Variants in CDH23 observed in about 807,000 individuals in gnomAD.
CDH23 encodes the protein cadherin related 23, also known as cadherin-23.
In CDH23, 189 loss-of-function variants were observed where a neutral mutation model predicts 317.1. The ratio of observed to expected loss-of-function variants is 0.60; its 90% CI spans 0.53 to 0.67. CDH23 has a LOEUF of 0.67. Among genes scored for constraint, CDH23 ranks in the 30% least tolerant of loss-of-function variants. The probability of loss-of-function intolerance (pLI) is 0.00; values close to 1 mark genes in which losing one functional copy is unlikely to be tolerated. For missense variants in CDH23, 4,401 were observed against 4,592.4 expected (o/e 0.96, Z 1.20); for synonymous variants, 1,839 against 1,876.8 (o/e 0.98, Z 0.52).
chr10:71,730,395 C>T, intron 30 of CDH23, 74 bp from the exon 31 acceptor site: 1 of 1,559,336 alleles, frequency 6.4e-7, no homozygotes, highest in African/African-American at 1.4e-5. Flanking sequence ...ACAAGGCGGC[C>T]ACAGTGGGCC....
rs757652543 is a variant in CDH23 at position 71,617,386 on chromosome 10, A to C, written c.1127A>C (p.Lys376Thr). ...CCACTCTTCATCCAGGTGGTGGACA[A>C]GGATGAGGTGAGTCCCTGGACACAT... ...ALPLFIQVVD[K>T]DENLGLNSMF... Residue 376 changes from lysine to threonine, a missense_variant, in exon 11 of 70, where the codon AAG becomes ACG. Around this residue, in one of 3 missense-constraint regions of CDH23, gnomAD observed 3,068 missense variants for 3,203.3 expected, o/e 0.96. Transcript: ENST00000224721. 1.2e-6 allele frequency: 2 copies of C among 1,613,514 alleles called. No homozygotes were observed. The highest frequency in any genetic ancestry group is 1.7e-6 in the Non-Finnish European group (2 of 1,179,868).
chr10:71,810,093 C>CCCGGGG lies in CDH23; in HGVS notation c.8979+25_8979+30dup. On this transcript the variant is annotated intron_variant, in intron 61 of 69. Coordinates refer to ENST00000224721, the MANE Select transcript of CDH23 (RefSeq NM_022124.6). Reference sequence around the variant, plus strand: ...AATGTGCAGGTGCCTCATGGGCCCACCCGGGGCCGGGGCAGTGGAGGGAGA... The same window carrying CCCGGGG: ...AATGTGCAGGTGCCTCATGGGCCCACCCGGGGCCGGGGCCGGGGCAGTGGAGGGAGA... The CCCGGGG allele has an allele frequency of 1.2e-6, 2 of 1,608,832 alleles. No individual in the cohort carries two copies. Among genetic ancestry groups the CCCGGGG allele is most frequent in the Non-Finnish European group, 1.7e-6 (2 of 1,176,996 alleles).
chr10:71,479,120 T>TTGCAGTGAGCCGAGATTGCGCCACTG, intron 3 of CDH23, among the ~76,000 whole-genome samples: 1 of 151,970 alleles, frequency 6.6e-6, no homozygotes, highest in African/African-American at 2.4e-5. Flanking sequence ...AAGATGAGGC[T>TTGCAGTGAGCCGAGATTGCGCCACTG]CAGAGAGGTT....
intron 3 of CDH23, among the ~76,000 whole-genome samples, chr10:71,460,927 C>G (rs16928888): frequency 3.3e-5 from 5 of 152,178 alleles, no homozygotes; most frequent in Non-Finnish European, 7.4e-5. Context: ...GTCTCCCCGA[C>G]GAGTAGCCCA....
rs770139018 is a variant in CDH23 at position 71,675,212 on chromosome 10, C to T, written c.1514+36C>T. 6.3e-6 allele frequency: 10 copies of T among 1,580,422 alleles called. No individual in the cohort carries two copies. The Admixed American group carries it at 1.7e-4, about 26-fold the overall frequency. The stretch of plus-strand genomic sequence containing the variant: ...GCCCACAGCCCCTCAGGCCCCTCCG[C>T]AGTGGTCCTTGGCCCTCCCCAGACT... On this transcript the variant is annotated intron_variant, in intron 15 of 69. Transcript: ENST00000224721.
intron 11 of CDH23, among the ~76,000 whole-genome samples, chr10:71,618,733 C>T (rs1861319616): frequency 6.6e-6 from 1 of 152,118 alleles, no homozygotes; most frequent in African/African-American, 2.4e-5. Context: ...GTCTCTTGCC[C>T]CCCTCTGGCA....
At chr10:71,523,698 G>A (rs1702231297) in intron 6 of CDH23, among the ~76,000 whole-genome samples, 1 of 152,150 alleles carries the variant, frequency 6.6e-6, no homozygotes, top group African/African-American at 2.4e-5. Context: ...GCAGGAGGAG[G>A]GTAGAGAGGC....
At position 71,660,962 on chromosome 10, in the gene CDH23, CGA is replaced by C. The variant is rs1309546027; in HGVS notation, c.1450-14149_1450-14148del. ...GCTGCGCTCCTGTCACGTGTGTTAT[CGA>C]AGCCTCATGACAACCTGGTGAGGCT... is the stretch of plus-strand genomic sequence containing the variant. On this transcript the variant is annotated intron_variant, in intron 14 of 69. Transcript: ENST00000224721. Among the ~76,000 whole-genome samples, 107 of 152,284 alleles carry C rather than the reference CGA, an allele frequency of 7.0e-4. 1 individual carries two copies. Among genetic ancestry groups the C allele is most frequent in the Non-Finnish European group, 9.9e-4 (67 of 68,020 alleles).
chr10:71,560,574 C>T (rs67776611), intron 6 of CDH23, among the ~76,000 whole-genome samples: 7,848 of 152,186 alleles, frequency 0.052, 241 homozygotes, highest in Middle Eastern at 0.075. Flanking sequence ...TCTGTGCGAC[C>T]TTGGACAAGT....
At chr10:71,561,679 T>C (rs1411823326) in intron 6 of CDH23, among the ~76,000 whole-genome samples, 3 of 152,192 alleles carry the variant, frequency 2.0e-5, no homozygotes, top group African/African-American at 7.2e-5. Context: ...AGGCAAGACC[T>C]GCCGTGGGTT....
intron 3 of CDH23, among the ~76,000 whole-genome samples, chr10:71,481,915 C>T (rs745305929): frequency 1.3e-5 from 2 of 152,210 alleles, no homozygotes; most frequent in Non-Finnish European, 2.9e-5. Flanking sequence ...GCTTGTGTGG[C>T]ATCTGCTTTA....
intron 1 of CDH23, among the ~76,000 whole-genome samples, chr10:71,433,193 C>T (rs1481481385): frequency 1.3e-5 from 2 of 152,204 alleles, no homozygotes; most frequent in Non-Finnish European, 2.9e-5. Flanking sequence ...GCGCACACTC[C>T]CCTGCATACA....
At chr10:71,549,102 C>T (rs7921151) in intron 6 of CDH23, among the ~76,000 whole-genome samples, 36,287 of 152,156 alleles carry the variant, frequency 0.24, 4,490 homozygotes, top group East Asian at 0.38. Context: ...GGATATGGCC[C>T]ACTACTGATC....
At chr10:71,695,829 C>G (rs537339015) in intron 22 of CDH23, among the ~76,000 whole-genome samples, 1 of 152,276 alleles carries the variant, frequency 6.6e-6, no homozygotes, top group East Asian at 1.9e-4. Flanking sequence ...CACACGTGCC[C>G]TTAGAGCCCA....
At chr10:71,502,742 C>T (rs1024687054) in intron 3 of CDH23, among the ~76,000 whole-genome samples, 1 of 152,166 alleles carries the variant, frequency 6.6e-6, no homozygotes, top group Non-Finnish European at 1.5e-5. Context: ...ACTAAGCAGG[C>T]GTTTGAGCAG....
intron 6 of CDH23, among the ~76,000 whole-genome samples, chr10:71,519,964 T>C (rs1854570597): frequency 6.6e-6 from 1 of 152,000 alleles, no homozygotes; most frequent in South Asian, 2.1e-4. Flanking sequence ...AATTTTTGTA[T>C]TTTTTGTAGG....
intron 11 of CDH23, among the ~76,000 whole-genome samples, chr10:71,622,736 C>G (rs187128126): frequency 5.4e-4 from 83 of 152,338 alleles, no homozygotes; most frequent in Non-Finnish European, 9.0e-4. Context: ...ATTTGATCCA[C>G]TTTCCTCTGC....
chr10:71,543,851 C>G (rs542803622), intron 6 of CDH23, among the ~76,000 whole-genome samples: 2 of 152,174 alleles, frequency 1.3e-5, no homozygotes, highest in African/African-American at 4.8e-5. Context: ...TTGGTTCTCC[C>G]AAAGCTGCTA....
chr10:71,689,107 T>TCAGGGGTGGTGGAGC (rs1564734028), intron 19 of CDH23, among the ~76,000 whole-genome samples: 2 of 20,826 alleles, frequency 9.6e-5, no homozygotes, highest in Non-Finnish European at 2.5e-4. Flanking sequence ...GGTGGTGGAG[T>TCAGGGGTGGTGGAGC]CAGGGGTGGT....
Sources: allele counts gnomAD v4.1 joint callset (sites outside exome capture counted in the v4.1 genomes callset), GRCh38; gene constraint gnomAD v4.1.1; regional missense constraint gnomAD v4.1.1; transcripts MANE v1.5; gene names NCBI Gene and HGNC (gene_info 2026-07-23, HGNC 2026-07-21).